INTU: variants seen among roughly 807,000 people sequenced by gnomAD.
INTU encodes inturned planar cell polarity protein, also known as protein inturned.
In INTU, 68 loss-of-function variants were observed where a neutral mutation model predicts 100.5. The observed-to-expected ratio is 0.68, with a 90% CI of 0.56 to 0.83. The LOEUF is 0.83. Among genes scored for constraint, INTU ranks in the 40% least tolerant of loss-of-function variants. The probability of loss-of-function intolerance (pLI) is 0.00; values close to 1 mark genes in which losing one functional copy is unlikely to be tolerated. For synonymous variants in INTU, 357 were observed against 395.7 expected, an observed-to-expected ratio of 0.90 and a Z score of 1.16; for missense variants, 1,071 against 1,114.7, an observed-to-expected ratio of 0.96 and a Z score of 0.56.
At chr4:127,648,515 C>G (rs1040299979) in intron 2 of INTU, among the ~76,000 whole-genome samples, 5 of 152,254 alleles carry the variant, frequency 3.3e-5, no homozygotes, top group Non-Finnish European at 7.4e-5. Context: ...CCCTATAACA[C>G]TCAGCTACAG....
chr4:127,705,592 G>A lies in INTU; in HGVS notation c.1568G>A (p.Gly523Asp), dbSNP rs755651747. The A allele has an allele frequency of 6.2e-7, 1 of 1,612,110 alleles. No individual in the cohort carries two copies. ...TTGCTCTTTGTGGTTAAATTCAAGG[G>A]TTATTTGATATGCAGTCATTTGCCC... Reference protein sequence around the residue: ...TILGSSLFYKGYLICSHLPKD... With the variant: ...TILGSSLFYKDYLICSHLPKD... Residue 523 changes from glycine to aspartate, a missense_variant and splice_region_variant, in exon 11 of 16, where the codon GGT becomes GAT. Coordinates refer to ENST00000335251, the MANE Select transcript of INTU (RefSeq NM_015693.4).
chr4:127,701,122 G>A (rs1454808979), intron 9 of INTU, among the ~76,000 whole-genome samples: 2 of 152,112 alleles, frequency 1.3e-5, no homozygotes, highest in Non-Finnish European at 2.9e-5. Context: ...TATAAAATAT[G>A]CTTGATGAAG....
intron 5 of INTU, among the ~76,000 whole-genome samples, chr4:127,673,254 G>A (rs574925104): frequency 5.9e-5 from 9 of 151,602 alleles, no homozygotes; most frequent in African/African-American, 2.2e-4. Context: ...ATGGCTAACC[G>A]CAGCCTTGAC....
In INTU at chr4:127,716,694, T is replaced by C. The variant is rs903481151; in HGVS notation, c.*258T>C. 3.1e-5 allele frequency: 7 copies of C among 228,830 alleles called. No individual in the cohort carries two copies. Among genetic ancestry groups the C allele is most frequent in the African/African-American group, 1.6e-4 (7 of 44,362 alleles). The allele number at this position is 228,830 out of a possible 1,614,324, so 14.2% of individuals were successfully genotyped here. A position where few individuals can be genotyped will look rare whatever the true frequency, so the allele number is the denominator to read the frequency against. ...AACTTATTGCTATTTTGGTATATAA[T>C]GTTAATTTATTGACTAGTTTGAAAT... On this transcript the variant is annotated 3_prime_UTR_variant, in exon 16 of 16. Transcript: ENST00000335251.
At position 127,682,227 on chromosome 4, in the gene INTU, G is replaced by C. The variant is rs891424880; in HGVS notation, c.1182-2182G>C. On this transcript the variant is annotated intron_variant, in intron 6 of 15. Coordinates refer to ENST00000335251, the MANE Select transcript of INTU (RefSeq NM_015693.4). ...CTCAGGGATCTAGAACTAGAAATAC[G>C]ATTTGACCCAGCCATCCCATTACTG... 3.0e-3 allele frequency among the ~76,000 whole-genome samples: 462 copies of C among 151,976 alleles called. 3 individuals carry two copies. Among genetic ancestry groups the C allele is most frequent in the African/African-American group, 9.4e-3 (387 of 41,382 alleles).
At position 127,708,601 on chromosome 4, in the gene INTU, C is replaced by T. The variant is rs372426578; in HGVS notation, c.2302C>T (p.Pro768Ser). ...VTKKKSTLPN[P>S]FHLGNLKKDL... ...TAAAAAGAAGTCTACTCTTCCAAAT[C>T]CATTTCATTTGGGAAACTTGAAAAA... The change falls in exon 13 of 16, where the codon CCA becomes TCA. Residue 768 changes from proline to serine, a missense_variant. Pro to Ser is a moderately conservative substitution (Grantham distance 74). Coordinates refer to ENST00000335251, the MANE Select transcript of INTU (RefSeq NM_015693.4). The T allele has an allele frequency of 6.9e-6, 11 of 1,597,368 alleles. No homozygotes were observed. The Admixed American group carries it at 1.9e-4, about 27-fold the overall frequency.
intron 4 of INTU, among the ~76,000 whole-genome samples, chr4:127,664,899 C>T (rs921091543): frequency 1.3e-5 from 2 of 151,840 alleles, no homozygotes; most frequent in African/African-American, 4.8e-5. Flanking sequence ...TCTACTGGAA[C>T]TGCTTTTTCT....
At chr4:127,698,322 C>T (rs1006821002) in intron 8 of INTU, among the ~76,000 whole-genome samples, 14 of 151,548 alleles carry the variant, frequency 9.2e-5, no homozygotes, top group African/African-American at 2.9e-4. Context: ...ATTAGGCAGG[C>T]GTGGTGGCGG....
At chr4:127,649,183 A>G (rs1030689214) in intron 2 of INTU, among the ~76,000 whole-genome samples, 1 of 152,206 alleles carries the variant, frequency 6.6e-6, no homozygotes, top group Non-Finnish European at 1.5e-5. Context: ...GTTGCCTTAA[A>G]GGAAAGGAAC....
chr4:127,706,399 C>G, intron 11 of INTU, 88 bp from the exon 12 acceptor site: 1 of 1,140,026 alleles, frequency 8.8e-7, no homozygotes, highest in South Asian at 1.6e-5. Flanking sequence ...GCCTCTATGT[C>G]TTCGATATTT....
rs1250079839 is a variant in INTU, at chr4:127,720,709, T to C, written c.*4273T>C. The C allele has an allele frequency of 6.6e-6, 1 of 152,212 alleles. No homozygotes were observed. The highest frequency in any genetic ancestry group is 1.9e-4 in the East Asian group (1 of 5,192). 9.4% of individuals were successfully genotyped at this position (152,212 alleles called of 1,614,324 possible). The stretch of plus-strand genomic sequence containing the variant: ...AGGATAGTTAGCTCTTCTTGTTGAA[T>C]TGACCCCTTTACCAGTATGTAATGC... On this transcript the variant is annotated 3_prime_UTR_variant, in exon 16 of 16. Transcript: ENST00000335251.
At chr4:127,685,188 C>T (rs748724889) in intron 7 of INTU, among the ~76,000 whole-genome samples, 6 of 151,830 alleles carry the variant, frequency 4.0e-5, no homozygotes, top group Non-Finnish European at 5.9e-5. Context: ...CTGCTTCTTG[C>T]GTTTTTAACC....
At chr4:127,672,999 C>T (rs951797823) in intron 5 of INTU, among the ~76,000 whole-genome samples, 1 of 152,184 alleles carries the variant, frequency 6.6e-6, no homozygotes, top group African/African-American at 2.4e-5. Context: ...TTCATCACCC[C>T]AAAAGTTTCC....
At chr4:127,702,356 G>A (rs1730684907) in intron 9 of INTU, among the ~76,000 whole-genome samples, 1 of 152,122 alleles carries the variant, frequency 6.6e-6, no homozygotes, top group Admixed American at 6.6e-5. Context: ...TTTAAACCAA[G>A]AGAACTGAAA....
intron 3 of INTU, 104 bp from the exon 4 acceptor site, chr4:127,663,277 A>G: frequency 1.3e-6 from 1 of 751,548 alleles, no homozygotes; most frequent in Non-Finnish European, 2.3e-6. Context: ...ATTTATATAT[A>G]CTGTACATAC....
Position 127,717,853 on chromosome 4 carries a change from C to G in INTU, c.*1417C>G, listed in dbSNP as rs1171459868. 6.6e-6 allele frequency: 1 copy of G among 151,662 alleles called. No homozygotes were observed. Among genetic ancestry groups the G allele is most frequent in the African/African-American group, 2.4e-5 (1 of 41,314 alleles). 9.4% of individuals were successfully genotyped at this position (151,662 alleles called of 1,614,324 possible). On this transcript the variant is annotated 3_prime_UTR_variant, in exon 16 of 16. Coordinates refer to ENST00000335251, the MANE Select transcript of INTU (RefSeq NM_015693.4). ...AATGCGGTTCTATTTTTTCTTGTAA[C>G]TTGGTTTGAGTTCCTTGTAGATCCT... is the stretch of plus-strand genomic sequence containing the variant.
intron 15 of INTU, among the ~76,000 whole-genome samples, chr4:127,714,361 C>G (rs1441822011): frequency 6.6e-6 from 1 of 151,954 alleles, no homozygotes. Context: ...CTGCTTCCTT[C>G]ATTTTTCCCC....
intron 1 of INTU, 120 bp downstream of exon 1, chr4:127,633,300 T>A: frequency 2.0e-6 from 2 of 1,004,762 alleles, no homozygotes; most frequent in Non-Finnish European, 2.9e-6. Flanking sequence ...GGTTCTATAA[T>A]AAGTGGGATT....
chr4:127,702,931 C>G (rs1730712655), intron 9 of INTU, among the ~76,000 whole-genome samples: 1 of 152,134 alleles, frequency 6.6e-6, no homozygotes, highest in South Asian at 2.1e-4. Flanking sequence ...CAGCATACCT[C>G]CTTTTACCTT....
Sources: gnomAD v4.1 joint callset for allele counts (sites outside exome capture counted in the v4.1 genomes callset) on GRCh38, gnomAD v4.1.1 for gene constraint, MANE v1.5 for transcripts, NCBI Gene and HGNC (gene_info 2026-07-23, HGNC 2026-07-21) for gene names.